The following PDE4D variants were observed in gnomAD, a reference collection of about 807,000 sequenced individuals.
The protein encoded by PDE4D is 3',5'-cyclic-AMP phosphodiesterase 4D.
In PDE4D, 24 loss-of-function variants were observed where a neutral mutation model predicts 87.4. That is an observed-to-expected ratio of 0.27 (90% CI 0.20 to 0.39). The LOEUF is 0.39. Ranked by LOEUF, PDE4D falls within the 10% of genes least tolerant of loss-of-function variation. The pLI, the probability that PDE4D is intolerant of heterozygous loss-of-function variation, is 1.00. For missense variants in PDE4D, 714 were observed against 1,041.0 expected, an observed-to-expected ratio of 0.69 and a Z score of 4.32; for synonymous variants, 384 against 383.2, an observed-to-expected ratio of 1.00 and a Z score of -0.02.
intron 5 of PDE4D, among the ~76,000 whole-genome samples, chr5:59,126,128 A>C (rs1316913223): frequency 6.6e-6 from 1 of 151,248 alleles, no homozygotes; most frequent in African/African-American, 2.4e-5. Context: ...AGAGAGAGAG[A>C]GAAAGCAAGG....
intron 1 of PDE4D, among the ~76,000 whole-genome samples, chr5:59,584,596 G>A (rs1272967722): frequency 6.6e-6 from 1 of 152,152 alleles, no homozygotes; most frequent in African/African-American, 2.4e-5. Context: ...CTTCAGAGTT[G>A]AATAGCTTAT....
rs945009818 is a variant in PDE4D at position 58,971,784 on chromosome 5, T to G, written c.*2880A>C. On this transcript the variant is annotated 3_prime_UTR_variant, in exon 15 of 15. Coordinates refer to ENST00000340635, the MANE Select transcript of PDE4D (RefSeq NM_001104631.2). ...AGTACCCAGATATTGCATTTTCTTA[T>G]GGCATTTTAGGAAATGTAAAGCCAC... 6.5e-6 allele frequency: 1 copy of G among 152,780 alleles called. No individual in the cohort carries two copies. The highest frequency in any genetic ancestry group is 2.4e-5 in the African/African-American group (1 of 41,592). 9.5% of individuals were successfully genotyped at this position (152,780 alleles called of 1,614,324 possible). A position where few individuals can be genotyped will look rare whatever the true frequency, so the allele number is the denominator to read the frequency against.
intron 5 of PDE4D, among the ~76,000 whole-genome samples, chr5:59,077,800 C>G (rs754351748): frequency 1.3e-5 from 2 of 152,248 alleles, no homozygotes; most frequent in Admixed American, 6.5e-5. Context: ...CTTTCTCCCC[C>G]ACTCCAAGAC....
At chr5:59,826,970 A>G (rs1044123683) in intron 1 of PDE4D, among the ~76,000 whole-genome samples, 1 of 152,116 alleles carries the variant, frequency 6.6e-6, no homozygotes, top group African/African-American at 2.4e-5. Context: ...GAGGATTGAT[A>G]GAATTGAATC....
intron 1 of PDE4D, among the ~76,000 whole-genome samples, chr5:59,266,759 G>C (rs943879036): frequency 2.0e-5 from 3 of 152,024 alleles, no homozygotes; most frequent in African/African-American, 7.2e-5. Context: ...GGAAGGAAAA[G>C]TATAAGTAGC....
At chr5:60,235,931 C>T (rs1175981972) in intron 1 of PDE4D, among the ~76,000 whole-genome samples, 1 of 151,734 alleles carries the variant, frequency 6.6e-6, no homozygotes, top group African/African-American at 2.4e-5. Flanking sequence ...ACAATTCATC[C>T]CCACACAAAT....
rs138500435 is a variant in PDE4D at position 59,368,326 on chromosome 5, T to C, written c.456-152358A>G. 4.5e-3 allele frequency among the ~76,000 whole-genome samples: 680 copies of C among 152,226 alleles called. 4 individuals carry two copies. The highest frequency in any genetic ancestry group is 0.015 in the African/African-American group (616 of 41,516). The stretch of plus-strand genomic sequence containing the variant: ...CATTCGGTAAATGAAAATTGAAAAA[T>C]TGAAAATTGGGGACTACATTAAAAA... On this transcript the variant is annotated intron_variant, in intron 1 of 14. Coordinates refer to ENST00000340635, the MANE Select transcript of PDE4D (RefSeq NM_001104631.2).
chr5:60,506,797 C>T (rs1750344548), intron 1 of PDE4D, among the ~76,000 whole-genome samples: 3 of 151,878 alleles, frequency 2.0e-5, no homozygotes, highest in Non-Finnish European at 4.4e-5. Flanking sequence ...AATGTAGAAA[C>T]TAAGAAACAA....
chr5:59,176,689 G>C (rs893494434), intron 5 of PDE4D, among the ~76,000 whole-genome samples: 2 of 152,176 alleles, frequency 1.3e-5, no homozygotes, highest in Non-Finnish European at 2.9e-5. Context: ...TATGTAGACT[G>C]CTGAAGTTCT....
chr5:59,019,554 C>A (rs1376212202), intron 6 of PDE4D, among the ~76,000 whole-genome samples: 1 of 152,108 alleles, frequency 6.6e-6, no homozygotes, highest in Non-Finnish European at 1.5e-5. Flanking sequence ...GCTCACTCCT[C>A]CAGAATGCCC....
chr5:59,201,423 G>C (rs1431305823), intron 2 of PDE4D, among the ~76,000 whole-genome samples: 1 of 152,002 alleles, frequency 6.6e-6, no homozygotes, highest in Non-Finnish European at 1.5e-5. Flanking sequence ...GTTTAAAAGA[G>C]ATGATTTGTT....
At chr5:59,883,761 G>A (rs1171433131) in intron 1 of PDE4D, among the ~76,000 whole-genome samples, 1 of 152,092 alleles carries the variant, frequency 6.6e-6, no homozygotes, top group Admixed American at 6.6e-5. Flanking sequence ...TTAGTTGATA[G>A]GAAGATCAGA....
At chr5:60,013,466 G>A (rs541337672) in intron 2 of PDE4D, among the ~76,000 whole-genome samples, 1 of 151,852 alleles carries the variant, frequency 6.6e-6, no homozygotes, top group Non-Finnish European at 1.5e-5. Flanking sequence ...TGAGTACCTC[G>A]TGTGTGTGTG....
chr5:59,409,573 C>G (rs1035314067), intron 1 of PDE4D, among the ~76,000 whole-genome samples: 6 of 152,026 alleles, frequency 3.9e-5, no homozygotes, highest in African/African-American at 1.5e-4. Context: ...TGTGCTAACT[C>G]CCACAACCCC....
At chr5:59,013,839 CA>C (rs200164528) in intron 6 of PDE4D, among the ~76,000 whole-genome samples, 6 of 150,674 alleles carry the variant, frequency 4.0e-5, no homozygotes, top group African/African-American at 1.2e-4. Context: ...GGAGACACAA[CA>C]AAAAAAAGAG....
At chr5:59,303,370 C>G (rs1407304128) in intron 1 of PDE4D, among the ~76,000 whole-genome samples, 2 of 152,078 alleles carry the variant, frequency 1.3e-5, no homozygotes, top group Non-Finnish European at 2.9e-5. Flanking sequence ...GTTCCTTTTG[C>G]CCTGCAAAAG....
intron 3 of PDE4D, among the ~76,000 whole-genome samples, chr5:59,946,518 G>A (rs1757739342): frequency 6.6e-6 from 1 of 152,228 alleles, no homozygotes; most frequent in Non-Finnish European, 1.5e-5. Flanking sequence ...TGGACCAAGA[G>A]ACTTTCTAAA....
chr5:59,269,606 G>T (rs1027352726), intron 1 of PDE4D, among the ~76,000 whole-genome samples: 2 of 151,910 alleles, frequency 1.3e-5, no homozygotes, highest in African/African-American at 4.8e-5. Flanking sequence ...TAGCTTAGTG[G>T]TTTTCAAACA....
chr5:60,041,181 A>G (rs1402077930), intron 2 of PDE4D, among the ~76,000 whole-genome samples: 1 of 152,228 alleles, frequency 6.6e-6, no homozygotes, highest in Non-Finnish European at 1.5e-5. Context: ...TATAGATAGT[A>G]TATTCATCTC....
Sources: allele counts gnomAD v4.1 joint callset (sites outside exome capture counted in the v4.1 genomes callset), GRCh38; gene constraint gnomAD v4.1.1; transcripts MANE v1.5; gene names NCBI Gene and HGNC (gene_info 2026-07-23, HGNC 2026-07-21).